ITFG1: variants seen among roughly 807,000 people sequenced by gnomAD.
ITFG1 encodes the protein integrin alpha FG-GAP repeat containing 1.
Under a neutral mutation model 81.8 loss-of-function variants are expected in ITFG1, and 34 were observed. That is an observed-to-expected ratio of 0.42 (90% confidence interval 0.32 to 0.55). ITFG1 has a LOEUF of 0.55. Among genes scored for constraint, ITFG1 ranks in the 20% least tolerant of loss-of-function variants. ITFG1 has a pLI of 0.17. For synonymous variants in ITFG1, 285 were observed against 270.6 expected, an observed-to-expected ratio of 1.05 and a Z score of -0.52; for missense variants, 672 against 755.4, an observed-to-expected ratio of 0.89 and a Z score of 1.29.
At chr16:47,405,142 C>A (rs978562686) in intron 6 of ITFG1, among the ~76,000 whole-genome samples, 13 of 151,986 alleles carry the variant, frequency 8.6e-5, no homozygotes, top group Admixed American at 8.5e-4. Flanking sequence ...CTCCCTATAT[C>A]ATTTAAAAAA....
At chr16:47,346,992 G>A (rs1596915422) in intron 8 of ITFG1, among the ~76,000 whole-genome samples, 1 of 152,198 alleles carries the variant, frequency 6.6e-6, no homozygotes, top group East Asian at 1.9e-4. Flanking sequence ...GATAAACATA[G>A]ATCAAAAATG....
intron 14 of ITFG1, among the ~76,000 whole-genome samples, chr16:47,185,858 G>A (rs967504519): frequency 3.9e-5 from 6 of 152,064 alleles, no homozygotes; most frequent in Non-Finnish European, 7.3e-5. Context: ...CTGATAGACC[G>A]CTAGCAAGAC....
intron 8 of ITFG1, among the ~76,000 whole-genome samples, chr16:47,327,510 A>G (rs1271291061): frequency 2.0e-5 from 3 of 152,226 alleles, no homozygotes; most frequent in African/African-American, 7.2e-5. Flanking sequence ...CTGCACAGCA[A>G]AAGAAACCAC....
intron 10 of ITFG1, among the ~76,000 whole-genome samples, chr16:47,280,812 T>C (rs1966443375): frequency 6.6e-6 from 1 of 152,060 alleles, no homozygotes; most frequent in Admixed American, 6.6e-5. Context: ...GGCCAATGAC[T>C]GAATCAATCA....
intron 10 of ITFG1, among the ~76,000 whole-genome samples, chr16:47,296,965 T>C (rs897442602): frequency 6.6e-6 from 1 of 152,158 alleles, no homozygotes; most frequent in African/African-American, 2.4e-5. Flanking sequence ...CCAATTTAAG[T>C]CTAGTGTTTG....
chr16:47,289,613 T>C (rs762073753), intron 10 of ITFG1, among the ~76,000 whole-genome samples: 11 of 152,170 alleles, frequency 7.2e-5, no homozygotes, highest in Non-Finnish European at 1.5e-4. Context: ...CCATTTACAC[T>C]AGATTTTCTA....
In ITFG1 at chr16:47,187,585, T is replaced by A. The variant is rs1407812676; in HGVS notation, c.1454-24921A>T. On this transcript the variant is annotated intron_variant, in intron 14 of 17. Transcript: ENST00000320640. ...TTTAGAAAGCTGAAACTGGATCCCT[T>A]CCTTACACCTTATACAAAAATCAAT... Among the ~76,000 whole-genome samples the A allele has an allele frequency of 3.3e-5, 5 of 152,148 alleles. No homozygotes were observed. The East Asian group carries it at 9.6e-4, about 29-fold the overall frequency.
At chr16:47,155,861 T>A in intron 17 of ITFG1, 83 bp from the exon 18 acceptor site, 3 of 988,240 alleles carry the variant, frequency 3.0e-6, no homozygotes. Context: ...AGTGATTCAT[T>A]TTTAAAAGTC....
At chr16:47,408,119 T>C (rs765009578) in intron 6 of ITFG1, among the ~76,000 whole-genome samples, 7 of 152,234 alleles carry the variant, frequency 4.6e-5, no homozygotes, top group Non-Finnish European at 8.8e-5. Context: ...TGCCAGGCTA[T>C]AACCACTTCC....
At chr16:47,302,380 A>AT (rs755492872) in intron 10 of ITFG1, among the ~76,000 whole-genome samples, 243 of 145,038 alleles carry the variant, frequency 1.7e-3, no homozygotes, top group Middle Eastern at 7.3e-3. Context: ...CATTTTTGGT[A>AT]TTTTTTTTTT....
chr16:47,223,690 T>C (rs1965722486), intron 13 of ITFG1, among the ~76,000 whole-genome samples: 2 of 152,132 alleles, frequency 1.3e-5, no homozygotes, highest in Non-Finnish European at 2.9e-5. Context: ...AGAAATACCA[T>C]TTGACCCAGC....
chr16:47,445,570 C>T lies in ITFG1; in HGVS notation c.560+5826G>A, dbSNP rs1176631339. On this transcript the variant is annotated intron_variant, in intron 5 of 17. Transcript: ENST00000320640. Reference sequence around the variant, plus strand: ...TTTTCAAAGATGGTCACATTATTTCCCATCTCACATGCTCTTTTGCATTCA... The same window carrying T: ...TTTTCAAAGATGGTCACATTATTTCTCATCTCACATGCTCTTTTGCATTCA... Among the ~76,000 whole-genome samples the T allele has an allele frequency of 2.6e-5, 4 of 152,254 alleles. No individual in the cohort carries two copies. The South Asian group carries it at 6.2e-4, about 24-fold the overall frequency.
intron 10 of ITFG1, 132 bp from the exon 11 acceptor site, chr16:47,260,827 T>C: frequency 1.0e-6 from 1 of 1,000,828 alleles, no homozygotes; most frequent in Non-Finnish European, 1.5e-6. Flanking sequence ...TCTCCACATT[T>C]TTTGTTTATA....
At chr16:47,458,102 C>T (rs1969476258) in intron 2 of ITFG1, among the ~76,000 whole-genome samples, 1 of 152,200 alleles carries the variant, frequency 6.6e-6, no homozygotes, top group Non-Finnish European at 1.5e-5. Context: ...ATATAGTTTA[C>T]AAGTAAATCA....
chr16:47,393,000 T>A (rs1447645847), intron 6 of ITFG1, among the ~76,000 whole-genome samples: 1 of 152,206 alleles, frequency 6.6e-6, no homozygotes, highest in Non-Finnish European at 1.5e-5. Flanking sequence ...AGGCCAAGCA[T>A]GAGAAGCTAT....
intron 10 of ITFG1, among the ~76,000 whole-genome samples, chr16:47,288,966 G>C (rs1432037879): frequency 2.0e-5 from 3 of 152,164 alleles, no homozygotes; most frequent in African/African-American, 7.2e-5. Flanking sequence ...TTTTCCTCGT[G>C]TAGTATAATG....
At chr16:47,234,320 C>T (rs186524942) in intron 13 of ITFG1, among the ~76,000 whole-genome samples, 50 of 151,936 alleles carry the variant, frequency 3.3e-4, no homozygotes, top group Admixed American at 2.5e-3. Context: ...AGAATCAAAA[C>T]GAAATAGAAA....
intron 13 of ITFG1, among the ~76,000 whole-genome samples, chr16:47,221,510 T>A (rs1191622222): frequency 6.6e-6 from 1 of 152,232 alleles, no homozygotes; most frequent in East Asian, 1.9e-4. Flanking sequence ...GATTTTTGCA[T>A]CAATGTTCAT....
chr16:47,290,162 T>C (rs979460771), intron 10 of ITFG1, among the ~76,000 whole-genome samples: 1 of 152,168 alleles, frequency 6.6e-6, no homozygotes, highest in Non-Finnish European at 1.5e-5. Context: ...TCTAGTTTTG[T>C]TGCATTGTGG....
Sources: gnomAD v4.1 joint callset for allele counts (sites outside exome capture counted in the v4.1 genomes callset) on GRCh38, gnomAD v4.1.1 for gene constraint, MANE v1.5 for transcripts, NCBI Gene and HGNC (gene_info 2026-07-23, HGNC 2026-07-21) for gene names.